Variants in EMILIN3 observed in about 807,000 individuals in gnomAD.
EMILIN3 encodes EMILIN-3.
EMILIN3 carries 38 observed loss-of-function variants against 42.8 expected under a neutral mutation model. That is an observed-to-expected ratio of 0.89 (90% CI 0.69 to 1.16). The LOEUF (loss-of-function observed/expected upper bound fraction) is 1.16, where lower values mean the gene tolerates loss of function less well. EMILIN3 is among the 50% of genes most tolerant of loss of function. The pLI, the probability that EMILIN3 is intolerant of heterozygous loss-of-function variation, is 0.00. For synonymous variants in EMILIN3, 430 were observed against 440.5 expected (o/e 0.98, Z 0.30); for missense variants, 924 against 999.5 (o/e 0.92, Z 1.02).
rs1394733482 is a variant in EMILIN3 at position 41,366,096 on chromosome 20, G to A, written c.167+372C>T. 6.6e-6 allele frequency among the ~76,000 whole-genome samples: 1 copy of A among 152,182 alleles called. No homozygotes were observed. Among genetic ancestry groups the A allele is most frequent in the Non-Finnish European group, 1.5e-5 (1 of 68,010 alleles). On this transcript the variant is annotated intron_variant, in intron 1 of 3. Coordinates refer to ENST00000332312, the MANE Select transcript of EMILIN3 (RefSeq NM_052846.2). The surrounding 1 kb of genome is among the most constrained non-coding windows in gnomAD (Gnocchi z 4.2). The stretch of plus-strand genomic sequence containing the variant: ...CCAGGGGAGAGAAGGGAGGCCCGGG[G>A]CGGGGGAGCCCCGCGTGCTCAGCGC...
At position 41,361,269 on chromosome 20, in the gene EMILIN3, T is replaced by C. The variant is rs1303506656; in HGVS notation, c.2300A>G (p.Ter767TrpextTer9). The C allele has an allele frequency of 4.4e-6, 7 of 1,580,434 alleles. No homozygotes were observed. Among genetic ancestry groups the C allele is most frequent in the Non-Finnish European group, 6.1e-6 (7 of 1,156,554 alleles). ...GGGGTTGGGTCCTGGCCAGCCTGTC[T>C]AGTTGGCTTGCCCTGGCCGCACCTG... ...AEQVRPGQAN[*>W] Residue 767 changes from the stop codon to tryptophan (W), a stop_lost, in exon 4 of 4, where the codon TAG (stop) becomes TGG (tryptophan). Transcript: ENST00000332312.
Position 41,362,045 on chromosome 20 carries a change from A to T in EMILIN3, c.1524T>A (p.Ala508=). 1 of 1,611,078 alleles carries T rather than the reference A, an allele frequency of 6.2e-7. No individual in the cohort carries two copies. Among genetic ancestry groups the T allele is most frequent in the Non-Finnish European group, 8.5e-7 (1 of 1,177,546 alleles). Residue 508 remains alanine, a synonymous_variant, in exon 4 of 4, where the codon GCT becomes GCA. Coordinates refer to ENST00000332312, the MANE Select transcript of EMILIN3 (RefSeq NM_052846.2). The part of the protein sequence containing the change: ...SARPLVQTEL[A]VLEQRLVSLE... ...GTGAGACCAACCGTTGCTCTAGCACAGCCAGCTCTGTCTGTACAAGGGGCC... is the reference window on the plus strand; with the variant it reads ...GTGAGACCAACCGTTGCTCTAGCACTGCCAGCTCTGTCTGTACAAGGGGCC...
Position 41,365,029 on chromosome 20 carries a change from A to C in EMILIN3, c.290+6T>G. The stretch of plus-strand genomic sequence containing the variant: ...TTCCAAGTGTGTAGGTGAGGAGTGC[A>C]CTTACGTGACTGTCCCGGGGCACTT... On this transcript the variant is annotated splice_donor_region_variant and intron_variant, in intron 2 of 3. Coordinates refer to ENST00000332312, the MANE Select transcript of EMILIN3 (RefSeq NM_052846.2). 6.2e-7 allele frequency: 1 copy of C among 1,613,540 alleles called. No homozygotes were observed. The highest frequency in any genetic ancestry group is 8.5e-7 in the Non-Finnish European group (1 of 1,179,708).
In EMILIN3 at chr20:41,362,861, T is replaced by G. The variant is rs1249697232; in HGVS notation, c.708A>C (p.Pro236=). ...FGVIPEGLVG[P]GDRARGPLTP... is the part of the protein sequence containing the mutation. ...TTAGTGGCCCTCTGGCTCTGTCTCC[T>G]GGGCCCACAAGCCCCTCAGGGATGA... The change falls in exon 4 of 4, where the codon CCA becomes CCC. Residue 236 remains proline, a synonymous_variant. Coordinates refer to ENST00000332312, the MANE Select transcript of EMILIN3 (RefSeq NM_052846.2). 6.2e-7 allele frequency: 1 copy of G among 1,613,844 alleles called. No homozygotes were observed. The highest frequency in any genetic ancestry group is 8.5e-7 in the Non-Finnish European group (1 of 1,179,936).
At position 41,362,158 on chromosome 20, in the gene EMILIN3, C is replaced by T; in HGVS notation, c.1411G>A (p.Glu471Lys). 1.2e-6 allele frequency: 2 copies of T among 1,612,260 alleles called. No individual in the cohort carries two copies. Among genetic ancestry groups the T allele is most frequent in the Non-Finnish European group, 1.7e-6 (2 of 1,179,152 alleles). Residue 471 changes from glutamate to lysine, a missense_variant, in exon 4 of 4, where the codon GAA becomes AAA. By Grantham distance (56) the Glu-to-Lys change is moderately conservative. Transcript: ENST00000332312. ...WGVGGFGTML[E>K]ERVQSLEERL... Reference sequence around the variant, plus strand: ...TCCTCGAGGCTCTGCACGCGCTCTTCCAGCATGGTCCCAAAGCCGCCCACT... The same window carrying T: ...TCCTCGAGGCTCTGCACGCGCTCTTTCAGCATGGTCCCAAAGCCGCCCACT...
chr20:41,360,887 G>A lies in EMILIN3; in HGVS notation c.*381C>T. On this transcript the variant is annotated 3_prime_UTR_variant, in exon 4 of 4. Coordinates refer to ENST00000332312, the MANE Select transcript of EMILIN3 (RefSeq NM_052846.2). ...TGAGGCTGGTGCTGACTGCCTGCAG[G>A]GTCCTCTCAAGGCCTTACATACGGA... is the stretch of plus-strand genomic sequence containing the variant. 1 of 262,512 alleles carries A rather than the reference G, an allele frequency of 3.8e-6. No homozygotes were observed. The highest frequency in any genetic ancestry group is 7.3e-6 in the Non-Finnish European group (1 of 136,802). The allele number at this position is 262,512 out of a possible 1,614,324, so 16.3% of individuals were successfully genotyped here. A position where few individuals can be genotyped will look rare whatever the true frequency, so the allele number is the denominator to read the frequency against.
In EMILIN3 at chr20:41,366,558, G is replaced by C; in HGVS notation, c.77C>G (p.Pro26Arg). 8.8e-7 allele frequency: 1 copy of C among 1,141,282 alleles called. No individual in the cohort carries two copies. The highest frequency in any genetic ancestry group is 4.0e-5 in the South Asian group (1 of 24,892). The allele number at this position is 1,141,282 out of a possible 1,614,324, so 70.7% of individuals were successfully genotyped here. A position where few individuals can be genotyped will look rare whatever the true frequency, so the allele number is the denominator to read the frequency against. ...GGGCGGCGCAGGCCGCGCCAGGAGC[G>C]GGGTGCCCCTGGCCTGCGCCCCCGA... ...LLSGAQARGT[P>R]LLARPAPPGA... is the part of the protein sequence containing the mutation. The change falls in exon 1 of 4, where the codon CCG becomes CGG. Residue 26 changes from proline (P) to arginine (R), a missense_variant. Physicochemically the swap from Pro to Arg is moderately radical, Grantham distance 103 (BLOSUM62 -2). Coordinates refer to ENST00000332312, the MANE Select transcript of EMILIN3 (RefSeq NM_052846.2). This position sits in a 1 kb window ranked among gnomAD's most constrained non-coding sequence, Gnocchi z 4.2.
Position 41,366,507 on chromosome 20 carries a change from G to T in EMILIN3, c.128C>A (p.Thr43Lys). The T allele has an allele frequency of 8.6e-7, 1 of 1,162,328 alleles. No individual in the cohort carries two copies. Among genetic ancestry groups the T allele is most frequent in the Non-Finnish European group, 1.1e-6 (1 of 944,942 alleles). 72.0% of individuals were successfully genotyped at this position (1,162,328 alleles called of 1,614,324 possible). A position where few individuals can be genotyped will look rare whatever the true frequency, so the allele number is the denominator to read the frequency against. Residue 43 changes from threonine to lysine, a missense_variant, in exon 1 of 4, where the codon ACG becomes AAG. By Grantham distance (78) the Thr-to-Lys change is moderately conservative. Coordinates refer to ENST00000332312, the MANE Select transcript of EMILIN3 (RefSeq NM_052846.2). This position sits in a 1 kb window ranked among gnomAD's most constrained non-coding sequence, Gnocchi z 4.2. ...GCGCAGCCGCGGGCGCCATCCCGTCGTGTAGAGACTGTAGCGGGAGGCACC... is the reference window on the plus strand; with the variant it reads ...GCGCAGCCGCGGGCGCCATCCCGTCTTGTAGAGACTGTAGCGGGAGGCACC... ...PPGASRYSLY[T>K]TGWRPRLRPG...
intron 3 of EMILIN3, 34 bp from the exon 4 acceptor site, chr20:41,363,088 T>C: frequency 6.8e-7 from 1 of 1,475,934 alleles, no homozygotes; most frequent in East Asian, 2.4e-5. Flanking sequence ...GGGGCATCAC[T>C]GGCCTCACCC....
rs1233994856 is a variant in EMILIN3, at chr20:41,362,816, G to T, written c.753C>A (p.Ile251=). ...TGCTCACCTCTGTCACCTTGCTTAGGATCTCGTCTAAGGGAGGTGTTAGTG... is the reference window on the plus strand; with the variant it reads ...TGCTCACCTCTGTCACCTTGCTTAGTATCTCGTCTAAGGGAGGTGTTAGTG... ...RGPLTPPLDE[I]LSKVTEVSNT... The change falls in exon 4 of 4, where the codon ATC becomes ATA. Residue 251 remains isoleucine (I), a synonymous_variant. Transcript: ENST00000332312. 6 of 1,614,084 alleles carry T rather than the reference G, an allele frequency of 3.7e-6. No individual in the cohort carries two copies. Among genetic ancestry groups the T allele is most frequent in the Middle Eastern group, 1.6e-4 (1 of 6,084 alleles).
chr20:41,362,572 G>C lies in EMILIN3; in HGVS notation c.997C>G (p.Arg333Gly). The change falls in exon 4 of 4, where the codon CGG (arginine) becomes GGG (glycine). Residue 333 changes from arginine to glycine, a missense_variant. Physicochemically the swap from Arg to Gly is moderately radical, Grantham distance 125. Coordinates refer to ENST00000332312, the MANE Select transcript of EMILIN3 (RefSeq NM_052846.2). Reference protein sequence around the residue: ...LQGVQSECDLRVQEVRRQCEE... With the variant: ...LQGVQSECDLGVQEVRRQCEE... ...CATTGCCGCCGTACCTCCTGCACCC[G>C]CAGGTCACACTCACTCTGGACGCCT... 6.2e-7 allele frequency: 1 copy of C among 1,600,072 alleles called. No individual in the cohort carries two copies. The highest frequency in any genetic ancestry group is 8.5e-7 in the Non-Finnish European group (1 of 1,179,170).
Position 41,363,007 on chromosome 20 carries a change from C to T in EMILIN3, c.562G>A (p.Gly188Ser), listed in dbSNP as rs1448438054. Reference sequence around the variant, plus strand: ...GTTTGAGCCAGGCGCTGGACATCACCCTCCAGGCGTTCCAGCCGCTCACCA... The same window carrying T: ...GTTTGAGCCAGGCGCTGGACATCACTCTCCAGGCGTTCCAGCCGCTCACCA... ...LFGERLERLE[G>S]DVQRLAQTYG... Residue 188 changes from glycine to serine, a missense_variant, in exon 4 of 4, where the codon GGT becomes AGT. Coordinates refer to ENST00000332312, the MANE Select transcript of EMILIN3 (RefSeq NM_052846.2). The T allele has an allele frequency of 6.2e-7, 1 of 1,604,862 alleles. No homozygotes were observed. The highest frequency in any genetic ancestry group is 1.7e-5 in the Admixed American group (1 of 59,834).
chr20:41,365,093 A>G lies in EMILIN3; in HGVS notation c.232T>C (p.Tyr78His). 1.2e-6 allele frequency: 2 copies of G among 1,613,940 alleles called. No homozygotes were observed. The highest frequency in any genetic ancestry group is 1.1e-5 in the South Asian group (1 of 91,088). Residue 78 changes from tyrosine (Y) to histidine (H), a missense_variant, in exon 2 of 4, where the codon TAC (tyrosine) becomes CAC (histidine). Transcript: ENST00000332312. The stretch of plus-strand genomic sequence containing the variant: ...CACTGCCGGTATTCAGCCTTTACGT[A>G]GCTCTCCGCTCCCTCCTGTAGGATG... ...TCILQEGAES[Y>H]VKAEYRQCRW...
chr20:41,366,509 G>T lies in EMILIN3; in HGVS notation c.126C>A (p.Tyr42Ter). The part of the protein sequence containing the change: ...APPGASRYSL[Y>*]TTGWRPRLRP... ...GCAGCCGCGGGCGCCATCCCGTCGT[G>T]TAGAGACTGTAGCGGGAGGCACCGG... The change falls in exon 1 of 4, where the codon TAC becomes TAA. Residue 42 changes from tyrosine (Y) to a stop codon, truncating the protein, a stop_gained. Coordinates refer to ENST00000332312, the MANE Select transcript of EMILIN3 (RefSeq NM_052846.2). LOFTEE classifies it high-confidence loss of function. This position sits in a 1 kb window ranked among gnomAD's most constrained non-coding sequence, Gnocchi z 4.2. 1.7e-6 allele frequency: 2 copies of T among 1,162,968 alleles called. No homozygotes were observed. The highest frequency in any genetic ancestry group is 2.1e-6 in the Non-Finnish European group (2 of 945,578). The allele number at this position is 1,162,968 out of a possible 1,614,324, so 72.0% of individuals were successfully genotyped here.
Position 41,366,617 on chromosome 20 carries a change from CAGGCGGCGGCG to C in EMILIN3, c.7_17del (p.Arg3AlafsTer76). On this transcript the variant is annotated frameshift_variant, in exon 1 of 4. Coordinates refer to ENST00000332312, the MANE Select transcript of EMILIN3 (RefSeq NM_052846.2). LOFTEE classifies it high-confidence loss of function. This position sits in a 1 kb window ranked among gnomAD's most constrained non-coding sequence, Gnocchi z 4.2. ...CCGCGACGGCGCACAGCCAGACGAG[CAGGCGGCGGCG>C]GCCCATAGCGGCCCCCGCGCCTCTG... is the stretch of plus-strand genomic sequence containing the variant. 9.3e-7 allele frequency: 1 copy of C among 1,073,996 alleles called. No homozygotes were observed. Among genetic ancestry groups the C allele is most frequent in the East Asian group, 6.1e-5 (1 of 16,420 alleles). 66.5% of individuals were successfully genotyped at this position (1,073,996 alleles called of 1,614,324 possible).
chr20:41,361,583 C>G lies in EMILIN3; in HGVS notation c.1986G>C (p.Lys662Asn). 6.2e-7 allele frequency: 1 copy of G among 1,612,122 alleles called. No homozygotes were observed. Among genetic ancestry groups the G allele is most frequent in the Non-Finnish European group, 8.5e-7 (1 of 1,180,002 alleles). ...LNLRGELEQL[K>N]AGVAKVASGL... is the part of the protein sequence containing the mutation. ...CACTGGCCACCTTGGCCACACCAGC[C>G]TTGAGTTGCTCCAGCTCCCCACGCA... Residue 662 changes from lysine to asparagine, a missense_variant, in exon 4 of 4, where the codon AAG (lysine) becomes AAC (asparagine). Physicochemically the swap from Lys to Asn is moderately conservative, Grantham distance 94. Transcript: ENST00000332312.
intron 1 of EMILIN3, among the ~76,000 whole-genome samples, chr20:41,365,780 G>A (rs1337048922): frequency 6.6e-6 from 1 of 152,246 alleles, no homozygotes; most frequent in Non-Finnish European, 1.5e-5. Flanking sequence ...CCCAGGCAGA[G>A]CCTCCAGCCC....
chr20:41,366,523 G>C lies in EMILIN3; in HGVS notation c.112C>G (p.Arg38Gly). 8.6e-7 allele frequency: 1 copy of C among 1,159,358 alleles called. No individual in the cohort carries two copies. The allele number at this position is 1,159,358 out of a possible 1,614,324, so 71.8% of individuals were successfully genotyped here. A position where few individuals can be genotyped will look rare whatever the true frequency, so the allele number is the denominator to read the frequency against. ...LARPAPPGASRYSLYTTGWRP... is the reference protein window; with the variant it reads ...LARPAPPGASGYSLYTTGWRP... ...CATCCCGTCGTGTAGAGACTGTAGCGGGAGGCACCGGGCGGCGCAGGCCGC... is the reference window on the plus strand; with the variant it reads ...CATCCCGTCGTGTAGAGACTGTAGCCGGAGGCACCGGGCGGCGCAGGCCGC... Residue 38 changes from arginine to glycine, a missense_variant, in exon 1 of 4, where the codon CGC becomes GGC. By Grantham distance (125) the Arg-to-Gly change is moderately radical (BLOSUM62 -2). Transcript: ENST00000332312. This position sits in a 1 kb window ranked among gnomAD's most constrained non-coding sequence, Gnocchi z 4.2.
intron 2 of EMILIN3, among the ~76,000 whole-genome samples, chr20:41,364,392 G>A (rs912640335): frequency 7.9e-5 from 12 of 152,262 alleles, no homozygotes; most frequent in Admixed American, 2.6e-4. Flanking sequence ...GCAGATGGAC[G>A]GGTACCTCTG....
Sources: allele counts gnomAD v4.1 joint callset (sites outside exome capture counted in the v4.1 genomes callset), GRCh38; gene constraint gnomAD v4.1.1; non-coding constraint Gnocchi (gnomAD v3.1); transcripts MANE v1.5; gene names NCBI Gene and HGNC (gene_info 2026-07-23, HGNC 2026-07-21).